The following CORIN variants were observed in gnomAD, a reference collection of about 807,000 sequenced individuals.
CORIN encodes corin, serine peptidase, also known as atrial natriuretic peptide-converting enzyme.
In CORIN, 117 loss-of-function variants were observed where a neutral mutation model predicts 125.3. That is an observed-to-expected ratio of 0.93 (90% CI 0.80 to 1.09). The LOEUF (loss-of-function observed/expected upper bound fraction) is 1.09, where lower values mean the gene tolerates loss of function less well. Among genes scored for constraint, CORIN ranks in the 50% least tolerant of loss-of-function variants. The pLI is 0.00. For missense variants in CORIN, 1,253 were observed against 1,306.7 expected (o/e 0.96, Z 0.63); for synonymous variants, 450 against 466.4 (o/e 0.96, Z 0.45).
At chr4:47,703,932 TACA>T (rs752352247) in intron 5 of CORIN, among the ~76,000 whole-genome samples, 1 of 152,216 alleles carries the variant, frequency 6.6e-6, no homozygotes. Context: ...CAGGCATTAA[TACA>T]ACAACATCTA....
rs1262321011 is a variant in CORIN at position 47,805,122 on chromosome 4, C to T, written c.208+1781G>A. 8.3e-5 allele frequency among the ~76,000 whole-genome samples: 11 copies of T among 132,502 alleles called. 1 individual carries two copies. The highest frequency in any genetic ancestry group is 2.2e-4 in the East Asian group (1 of 4,556). The allele number at this position is 132,502 out of a possible 152,430, so 86.9% of individuals were successfully genotyped here. On this transcript the variant is annotated intron_variant, in intron 2 of 21. Coordinates refer to ENST00000273857, the MANE Select transcript of CORIN (RefSeq NM_006587.4). ...CTGCACTCCAGCCTGGGCAACACAG[C>T]GAGACTCCATCTCAAAAAAAAAAAA...
At chr4:47,684,536 A>G (rs1470851719) in intron 6 of CORIN, among the ~76,000 whole-genome samples, 1 of 152,204 alleles carries the variant, frequency 6.6e-6, no homozygotes, top group Non-Finnish European at 1.5e-5. Flanking sequence ...TGGGACTTTT[A>G]GTGTGTTATT....
chr4:47,763,390 A>G lies in CORIN; in HGVS notation c.606T>C (p.Asp202=), dbSNP rs1560537820. 1.2e-6 allele frequency: 2 copies of G among 1,613,486 alleles called. No homozygotes were observed. The highest frequency in any genetic ancestry group is 8.5e-7 in the Non-Finnish European group (1 of 1,179,548). ...CTLAFPECII[D]GDDSHGLLPC... ...GGGTTCCGAAATACCTGTCATCGCC[A>G]TCAATGATGCACTCAGGGAAGGCGA... Residue 202 remains aspartate, a synonymous_variant, in exon 4 of 22, where the codon GAT becomes GAC. Transcript: ENST00000273857.
chr4:47,832,279 A>C (rs1733058917), intron 1 of CORIN, among the ~76,000 whole-genome samples: 1 of 152,168 alleles, frequency 6.6e-6, no homozygotes, highest in African/African-American at 2.4e-5. Context: ...TTTATACATC[A>C]ATCTGGCCAT....
At chr4:47,808,793 G>T (rs1731920589) in intron 1 of CORIN, among the ~76,000 whole-genome samples, 2 of 152,170 alleles carry the variant, frequency 1.3e-5, no homozygotes, top group African/African-American at 4.8e-5. Flanking sequence ...GGCCAACAAA[G>T]TTAGTGGCAG....
At chr4:47,694,137 T>C (rs1467456927) in intron 5 of CORIN, among the ~76,000 whole-genome samples, 1 of 152,206 alleles carries the variant, frequency 6.6e-6, no homozygotes, top group East Asian at 1.9e-4. Flanking sequence ...GTTACAGCCA[T>C]TGAAAACTAC....
chr4:47,786,084 A>T (rs1055181127), intron 3 of CORIN, among the ~76,000 whole-genome samples: 1 of 152,168 alleles, frequency 6.6e-6, no homozygotes, highest in African/African-American at 2.4e-5. Context: ...GCTGAAGCGC[A>T]AACTTTCACA....
chr4:47,693,036 T>C lies in CORIN; in HGVS notation c.847A>G (p.Ile283Val), dbSNP rs773020701. 1.2e-6 allele frequency: 2 copies of C among 1,613,686 alleles called. No individual in the cohort carries two copies. Among genetic ancestry groups the C allele is most frequent in the Non-Finnish European group, 1.7e-6 (2 of 1,179,834 alleles). ...CCATTACATTGCAGTTTCCCGGGGA[T>C]GCAGATTCCACTGGCACACAGAAAG... ...ENFLCASGIC[I>V]PGKLQCNGYN... The change falls in exon 6 of 22, where the codon ATC becomes GTC. Residue 283 changes from isoleucine (I) to valine (V), a missense_variant. Transcript: ENST00000273857.
chr4:47,714,211 A>G (rs1402612856), intron 5 of CORIN, among the ~76,000 whole-genome samples: 1 of 152,242 alleles, frequency 6.6e-6, no homozygotes, highest in African/African-American at 2.4e-5. Context: ...GCACATATAG[A>G]GCTTACGTAG....
At chr4:47,683,709 T>C (rs1725388634) in intron 7 of CORIN, 22 bp downstream of exon 7, 2 of 1,539,532 alleles carry the variant, frequency 1.3e-6, no homozygotes, top group African/African-American at 2.7e-5. Flanking sequence ...ATTAAAACCT[T>C]TGGGGAAACA....
chr4:47,629,509 A>T (rs1314311332), intron 16 of CORIN, among the ~76,000 whole-genome samples: 1 of 152,164 alleles, frequency 6.6e-6, no homozygotes, highest in African/African-American at 2.4e-5. Context: ...TACACAGAAA[A>T]ATATATCGAC....
chr4:47,800,647 G>A (rs938139667), intron 2 of CORIN, among the ~76,000 whole-genome samples: 3 of 152,152 alleles, frequency 2.0e-5, no homozygotes, highest in Admixed American at 6.5e-5. Context: ...TGGCAGAGAC[G>A]AGTTTCAGGA....
Position 47,653,607 on chromosome 4 carries a change from T to C in CORIN, c.1789A>G (p.Arg597Gly), listed in dbSNP as rs367566585. ...CRSGQCVLAS[R>G]RCDGQADCDD... Reference sequence around the variant, plus strand: ...CAGTCGGCCTGGCCATCACATCTTCTGGAAGCCAGAACACACTGTCCTGAG... The same window carrying C: ...CAGTCGGCCTGGCCATCACATCTTCCGGAAGCCAGAACACACTGTCCTGAG... The change falls in exon 13 of 22, where the codon AGA (arginine) becomes GGA (glycine). Residue 597 changes from arginine to glycine, a missense_variant. Coordinates refer to ENST00000273857, the MANE Select transcript of CORIN (RefSeq NM_006587.4). 1.9e-6 allele frequency: 3 copies of C among 1,614,154 alleles called. No homozygotes were observed. Among genetic ancestry groups the C allele is most frequent in the African/African-American group, 2.7e-5 (2 of 75,052 alleles).
chr4:47,694,796 G>A (rs769046178), intron 5 of CORIN, among the ~76,000 whole-genome samples: 10 of 152,008 alleles, frequency 6.6e-5, no homozygotes, highest in Non-Finnish European at 1.2e-4. Context: ...GGAGGTTCTC[G>A]ATTCAATGGA....
In CORIN at chr4:47,784,846, T is replaced by C. The variant is rs79010125; in HGVS notation, c.409+1879A>G. Reference sequence around the variant, plus strand: ...GGTAATGAACCCAAATCCATATGAATCACTGGTAAACACTATGCACAACAA... The same window carrying C: ...GGTAATGAACCCAAATCCATATGAACCACTGGTAAACACTATGCACAACAA... On this transcript the variant is annotated intron_variant, in intron 3 of 21. Transcript: ENST00000273857. 8.3e-3 allele frequency among the ~76,000 whole-genome samples: 1,269 copies of C among 152,286 alleles called. 10 individuals are homozygous for C. The highest frequency in any genetic ancestry group is 0.013 in the Non-Finnish European group (875 of 68,018).
intron 3 of CORIN, among the ~76,000 whole-genome samples, chr4:47,767,647 C>T (rs1443582376): frequency 6.6e-6 from 1 of 152,132 alleles, no homozygotes; most frequent in African/African-American, 2.4e-5. Context: ...TAAACCATGA[C>T]TGTCTCCTAT....
chr4:47,704,695 TAC>T (rs1457422215), intron 5 of CORIN, among the ~76,000 whole-genome samples: 1 of 152,170 alleles, frequency 6.6e-6, no homozygotes, highest in Non-Finnish European at 1.5e-5. Flanking sequence ...TTTGAGCAGA[TAC>T]AGAGTCTCCT....
At chr4:47,820,724 G>C (rs1209708512) in intron 1 of CORIN, among the ~76,000 whole-genome samples, 1 of 151,764 alleles carries the variant, frequency 6.6e-6, no homozygotes, top group Non-Finnish European at 1.5e-5. Context: ...ATGAGAAAGT[G>C]ATCTGATAAA....
chr4:47,712,869 A>G (rs1011515924), intron 5 of CORIN, among the ~76,000 whole-genome samples: 12 of 152,216 alleles, frequency 7.9e-5, no homozygotes, highest in Non-Finnish European at 1.2e-4. Context: ...CCAAGAATTC[A>G]GTACATGAGA....
Sources: gnomAD v4.1 joint callset for allele counts (sites outside exome capture counted in the v4.1 genomes callset) on GRCh38, gnomAD v4.1.1 for gene constraint, MANE v1.5 for transcripts, NCBI Gene and HGNC (gene_info 2026-07-23, HGNC 2026-07-21) for gene names.